SP100: variants seen among roughly 807,000 people sequenced by gnomAD.
SP100 encodes SP100 nuclear body protein, also known as nuclear autoantigen Sp-100.
In SP100, 84 loss-of-function variants were observed where a neutral mutation model predicts 130.0. That is an observed-to-expected ratio of 0.65 (90% confidence interval 0.54 to 0.77). SP100 has a LOEUF of 0.77. Among genes scored for constraint, SP100 ranks in the 30% least tolerant of loss-of-function variants. The pLI, the probability that SP100 is intolerant of heterozygous loss-of-function variation, is 0.00. For synonymous variants in SP100, 331 were observed against 351.7 expected (o/e 0.94, Z 0.66); for missense variants, 978 against 1,052.2 (o/e 0.93, Z 0.97).
chr2:230,496,098 G>A (rs934846409), intron 18 of SP100, among the ~76,000 whole-genome samples: 4 of 152,034 alleles, frequency 2.6e-5, no homozygotes, highest in Admixed American at 6.5e-5. Context: ...ACTTACCCAG[G>A]TCTAAGATGT....
At chr2:230,476,772 C>T (rs1197263340) in intron 17 of SP100, among the ~76,000 whole-genome samples, 2 of 152,026 alleles carry the variant, frequency 1.3e-5, no homozygotes, top group Non-Finnish European at 2.9e-5. Context: ...TTTTTAGTGT[C>T]GTCAGGAATT....
intron 23 of SP100, chr2:230,508,255 A>G: frequency 1.9e-6 from 1 of 528,910 alleles, no homozygotes; most frequent in South Asian, 4.0e-5. Context: ...TCAGAAATAG[A>G]TTAAAAGACA....
At chr2:230,519,796 G>T (rs1181014095) in intron 24 of SP100, among the ~76,000 whole-genome samples, 1 of 152,076 alleles carries the variant, frequency 6.6e-6, no homozygotes, top group Non-Finnish European at 1.5e-5. Flanking sequence ...TTTTCCAATT[G>T]TGTATGGTAA....
chr2:230,449,859 G>A, intron 7 of SP100, 149 bp downstream of exon 7: 1 of 843,372 alleles, frequency 1.2e-6, no homozygotes, highest in South Asian at 1.7e-5. Flanking sequence ...TTATACAGAT[G>A]AGCCTGATAC....
intron 4 of SP100, among the ~76,000 whole-genome samples, chr2:230,445,646 G>T (rs1473653811): frequency 6.6e-6 from 1 of 152,056 alleles, no homozygotes; most frequent in Non-Finnish European, 1.5e-5. Context: ...AGTCAGAAAA[G>T]GAATAAAAGG....
intron 24 of SP100, among the ~76,000 whole-genome samples, chr2:230,513,740 C>G (rs755338036): frequency 6.6e-5 from 10 of 152,244 alleles, no homozygotes; most frequent in Non-Finnish European, 1.3e-4. Flanking sequence ...GATAAATCAT[C>G]TCACTGGGAA....
chr2:230,507,880 T>A (rs1310662393), intron 22 of SP100, 113 bp from the exon 23 acceptor site: 3 of 879,166 alleles, frequency 3.4e-6, no homozygotes, highest in Non-Finnish European at 5.3e-6. Flanking sequence ...TACCTTGAAT[T>A]TGAGTTAATA....
chr2:230,430,974 C>A (rs2063082110), intron 2 of SP100, among the ~76,000 whole-genome samples: 1 of 152,198 alleles, frequency 6.6e-6, no homozygotes, highest in Admixed American at 6.5e-5. Flanking sequence ...TGGGGGTTCC[C>A]TGGTCAGGCA....
intron 25 of SP100, 51 bp downstream of exon 25, chr2:230,539,433 T>G (rs551042553): frequency 9.5e-6 from 12 of 1,261,234 alleles, no homozygotes; most frequent in Non-Finnish European, 1.4e-5. Context: ...GTGGTACAGC[T>G]CCTCCTGCCA....
chr2:230,527,035 G>A (rs1228221172), intron 24 of SP100, among the ~76,000 whole-genome samples: 1 of 152,122 alleles, frequency 6.6e-6, no homozygotes, highest in South Asian at 2.1e-4. Context: ...CCCTAACCTA[G>A]CAAGACAGAC....
chr2:230,481,422 C>G (rs2065827847), intron 17 of SP100, among the ~76,000 whole-genome samples: 1 of 152,136 alleles, frequency 6.6e-6, no homozygotes, highest in Non-Finnish European at 1.5e-5. Context: ...AGAAGGTGTG[C>G]TTGATTTCCC....
At position 230,467,623 on chromosome 2, in the gene SP100, T is replaced by C. The variant is rs145888468; in HGVS notation, c.1291+408T>C. ...GCTTCTGCTGGGAAACTCCCCCTTA[T>C]ATAACCATTCAGATCTTGTAAGACT... On this transcript the variant is annotated intron_variant, in intron 13 of 28. Coordinates refer to ENST00000340126, the MANE Select transcript of SP100 (RefSeq NM_001080391.2). 8.2e-3 allele frequency among the ~76,000 whole-genome samples: 1,241 copies of C among 152,266 alleles called. 18 individuals carry two copies. Among genetic ancestry groups the C allele is most frequent in the African/African-American group, 0.028 (1,171 of 41,538 alleles).
chr2:230,440,240 A>G (rs2063427602), intron 2 of SP100, among the ~76,000 whole-genome samples: 1 of 152,058 alleles, frequency 6.6e-6, no homozygotes, highest in African/African-American at 2.4e-5. Context: ...TCATGATATA[A>G]TTATTTTCTT....
chr2:230,527,782 T>C (rs1691500335), intron 24 of SP100, among the ~76,000 whole-genome samples: 1 of 152,146 alleles, frequency 6.6e-6, no homozygotes, highest in African/African-American at 2.4e-5. Context: ...TCCTAGTCTC[T>C]GATAAAACAG....
intron 12 of SP100, 58 bp downstream of exon 12, chr2:230,466,412 A>G: frequency 1.1e-6 from 1 of 891,250 alleles, no homozygotes; most frequent in Non-Finnish European, 1.9e-6. Flanking sequence ...CATGGTTATA[A>G]ATGAACAATA....
intron 24 of SP100, among the ~76,000 whole-genome samples, chr2:230,512,930 G>A (rs909739584): frequency 4.6e-5 from 7 of 152,150 alleles, no homozygotes; most frequent in Admixed American, 2.6e-4. Flanking sequence ...TGGATCCCTC[G>A]CATGTGGAAT....
intron 17 of SP100, among the ~76,000 whole-genome samples, chr2:230,489,909 T>C (rs1335444241): frequency 6.6e-6 from 1 of 152,206 alleles, no homozygotes; most frequent in East Asian, 1.9e-4. Flanking sequence ...TCTTTGCATT[T>C]GCTGAGGAGT....
At chr2:230,514,501 G>T (rs542031971) in intron 24 of SP100, among the ~76,000 whole-genome samples, 3 of 152,258 alleles carry the variant, frequency 2.0e-5, no homozygotes, top group East Asian at 3.9e-4. Context: ...AAAAATAATG[G>T]TCTGGGCTAG....
intron 23 of SP100, chr2:230,509,755 T>C (rs1459658038): frequency 6.6e-6 from 1 of 152,204 alleles, no homozygotes; most frequent in East Asian, 1.9e-4. Flanking sequence ...AACCTGCTGG[T>C]GATAGCTGAG....
Sources: allele counts gnomAD v4.1 joint callset (sites outside exome capture counted in the v4.1 genomes callset), GRCh38; gene constraint gnomAD v4.1.1; transcripts MANE v1.5; gene names NCBI Gene and HGNC (gene_info 2026-07-23, HGNC 2026-07-21).